Variants in GPM6B observed in about 807,000 individuals in gnomAD.
The protein encoded by GPM6B is neuronal membrane glycoprotein M6-b.
In GPM6B, 4 loss-of-function variants were observed where a neutral mutation model predicts 27.2. That is an observed-to-expected ratio of 0.15 (90% confidence interval 0.07 to 0.34). GPM6B has a LOEUF of 0.34. GPM6B is among the 10% of genes least tolerant of loss of function. GPM6B has a pLI of 1.00. For missense variants in GPM6B, 183 were observed against 261.9 expected, an observed-to-expected ratio of 0.70 and a Z score of 2.08; for synonymous variants, 124 against 103.1, an observed-to-expected ratio of 1.20 and a Z score of -1.23.
At chrX:13,840,614 C>G (rs989432065) in intron 1 of GPM6B, among the ~76,000 whole-genome samples, 1 of 111,888 alleles carries the variant, frequency 8.9e-6, no homozygotes, top group Non-Finnish European at 1.9e-5. Context: ...AGCGAATCTT[C>G]CTTTGTTGTG....
At position 13,921,021 on chromosome X, in the gene GPM6B, C is replaced by A. The variant is rs182070554; in HGVS notation, c.-198+17306G>T. Among the ~76,000 whole-genome samples, 4 of 112,178 alleles carry A rather than the reference C, an allele frequency of 3.6e-5. No individual in the cohort carries two copies. In the East Asian group the frequency reaches 1.1e-3, roughly 31 times the overall value. ...AGGCTTAAATAGAAACTTCCAAGTA[C>A]TATTTTCCAAAGCTAATTACAATTC... On this transcript the variant is annotated intron_variant, in intron 1 of 6. Transcript: ENST00000398361.
At chrX:13,823,043 T>A (rs771814594) in intron 1 of GPM6B, among the ~76,000 whole-genome samples, 2 of 112,228 alleles carry the variant, frequency 1.8e-5, no homozygotes, top group African/African-American at 6.5e-5. Flanking sequence ...TCATTTTTCA[T>A]CCAATGTGGG....
At chrX:13,806,626 T>C (rs781687537) in intron 2 of GPM6B, among the ~76,000 whole-genome samples, 4 of 112,254 alleles carry the variant, frequency 3.6e-5, no homozygotes, top group Non-Finnish European at 7.5e-5. Flanking sequence ...ACAATTTAGA[T>C]TTTAAAGGAA....
chrX:13,785,229 G>T (rs1213711932), intron 3 of GPM6B, among the ~76,000 whole-genome samples: 1 of 111,672 alleles, frequency 9.0e-6, no homozygotes, highest in Non-Finnish European at 1.9e-5. Context: ...CTTCTGCTAG[G>T]AAAGCACACT....
intron 1 of GPM6B, among the ~76,000 whole-genome samples, chrX:13,935,166 G>T (rs1426471736): frequency 1.8e-5 from 2 of 110,841 alleles, no homozygotes; most frequent in African/African-American, 6.6e-5. Context: ...TCAATATTTT[G>T]TTGTATCTGA....
intron 1 of GPM6B, among the ~76,000 whole-genome samples, chrX:13,830,555 CT>C: frequency 8.9e-6 from 1 of 112,194 alleles, no homozygotes; most frequent in Non-Finnish European, 1.9e-5. Flanking sequence ...ATTGAGTTAA[CT>C]TTGTGCAGCA....
chrX:13,799,685 G>C (rs2048885581), intron 2 of GPM6B, among the ~76,000 whole-genome samples: 1 of 110,824 alleles, frequency 9.0e-6, no homozygotes, highest in African/African-American at 3.3e-5. Flanking sequence ...TAGGTCCCGA[G>C]CCAGGCCAAA....
At chrX:13,863,026 G>T (rs771389998) in intron 1 of GPM6B, among the ~76,000 whole-genome samples, 10 of 111,443 alleles carry the variant, frequency 9.0e-5, no homozygotes, top group Admixed American at 4.8e-4. Context: ...TGGTATAATT[G>T]TAGAAAGACA....
intron 1 of GPM6B, among the ~76,000 whole-genome samples, chrX:13,879,022 G>C (rs1014895866): frequency 8.9e-6 from 1 of 111,974 alleles, no homozygotes; most frequent in African/African-American, 3.3e-5. Flanking sequence ...TCAGACTTCT[G>C]ACCTCCAGGA....
intron 2 of GPM6B, among the ~76,000 whole-genome samples, chrX:13,802,367 GA>G (rs2048937628): frequency 9.0e-6 from 1 of 111,141 alleles, no homozygotes; most frequent in Non-Finnish European, 1.9e-5. Context: ...ACTCTAAGGT[GA>G]GAAGCAAAGG....
intron 1 of GPM6B, among the ~76,000 whole-genome samples, chrX:13,876,163 A>G (rs1053021674): frequency 1.8e-5 from 2 of 112,281 alleles, no homozygotes; most frequent in Non-Finnish European, 3.8e-5. Context: ...GATGAGATTA[A>G]CTTGATATAA....
At chrX:13,818,796 C>T (rs752216111), upstream of GPM6B, among the ~76,000 whole-genome samples, 7 of 112,488 alleles carry the variant, frequency 6.2e-5, no homozygotes, top group Non-Finnish European at 1.3e-4. Context: ...GCAAAGACTA[C>T]TTAGGTCCAT....
intron 2 of GPM6B, among the ~76,000 whole-genome samples, chrX:13,790,545 G>A (rs1352257553): frequency 1.8e-5 from 2 of 111,627 alleles, no homozygotes; most frequent in Admixed American, 1.9e-4. Context: ...CCCGGTCTCA[G>A]GTGTGGCATC....
At chrX:13,887,406 G>C (rs1043390366) in intron 1 of GPM6B, among the ~76,000 whole-genome samples, 2 of 112,033 alleles carry the variant, frequency 1.8e-5, no homozygotes, top group African/African-American at 6.5e-5. Flanking sequence ...ATCTCTTCCA[G>C]TGGCTGCAGA....
At chrX:13,820,375 CTGGGAACCAATAT>C (rs2049294482), upstream of GPM6B, among the ~76,000 whole-genome samples, 1 of 110,682 alleles carries the variant, frequency 9.0e-6, no homozygotes, top group Admixed American at 9.6e-5. Context: ...GATGGTCATG[CTGGGAACCAATAT>C]GGGGAACCAA....
chrX:13,784,319 T>A (rs1282429592), intron 3 of GPM6B, among the ~76,000 whole-genome samples: 1 of 112,139 alleles, frequency 8.9e-6, no homozygotes, highest in Non-Finnish European at 1.9e-5. Flanking sequence ...CCTAATTAAA[T>A]CAACACACCT....
chrX:13,869,476 TATGGTATGTAAATTATACCTCAA>T (rs1313222035), intron 1 of GPM6B, among the ~76,000 whole-genome samples: 4 of 110,640 alleles, frequency 3.6e-5, no homozygotes, highest in African/African-American at 1.3e-4. Flanking sequence ...GGGTGAACCG[TATGGTATGTAAATTATACCTCAA>T]AATAGCTATA....
In GPM6B at chrX:13,856,406, T is replaced by G. The variant is rs183566697; in HGVS notation, c.-197-70598A>C. ...CCAGCAGCAGCAGCAGCATCTGGGA[T>G]CTCAAGACAATTGTAAATCTTCATG... On this transcript the variant is annotated intron_variant, in intron 1 of 6. Transcript: ENST00000398361. Among the ~76,000 whole-genome samples, 723 of 112,064 alleles carry G rather than the reference T, an allele frequency of 6.5e-3. 6 individuals carry two copies. The highest frequency in any genetic ancestry group is 0.011 in the Non-Finnish European group (561 of 53,217).
intron 1 of GPM6B, among the ~76,000 whole-genome samples, chrX:13,835,431 CTCTA>C (rs1026319235): frequency 2.7e-5 from 3 of 112,077 alleles, no homozygotes; most frequent in South Asian, 3.7e-4. Flanking sequence ...ATCAGAAGTT[CTCTA>C]TCTGATACAC....
Sources: allele counts gnomAD v4.1 joint callset (sites outside exome capture counted in the v4.1 genomes callset), GRCh38; gene constraint gnomAD v4.1.1; transcripts MANE v1.5; gene names NCBI Gene and HGNC (gene_info 2026-07-23, HGNC 2026-07-21).